The following ZNF445 variants were observed in gnomAD, a reference collection of about 807,000 sequenced individuals.
ZNF445 encodes zinc finger protein 445.
ZNF445 carries 19 observed loss-of-function variants against 93.9 expected under a neutral mutation model. The observed-to-expected ratio is 0.20, with a 90% confidence interval of 0.14 to 0.30. The LOEUF is 0.30. Ranked by LOEUF, ZNF445 falls within the 10% of genes least tolerant of loss-of-function variation. ZNF445 has a pLI of 1.00. For missense variants in ZNF445, 1,058 were observed against 1,259.4 expected (o/e 0.84, Z 2.42); for synonymous variants, 449 against 446.3 (o/e 1.01, Z -0.08).
rs1325173591 is a variant in ZNF445 at position 44,435,828 on chromosome 3, T to C, written c.*10747A>G. 6.6e-6 allele frequency: 1 copy of C among 152,166 alleles called. No individual in the cohort carries two copies. The highest frequency in any genetic ancestry group is 1.5e-5 in the Non-Finnish European group (1 of 68,042). The allele number at this position is 152,166 out of a possible 1,614,324, so 9.4% of individuals were successfully genotyped here. A position where few individuals can be genotyped will look rare whatever the true frequency, so the allele number is the denominator to read the frequency against. On this transcript the variant is annotated 3_prime_UTR_variant, in exon 8 of 8. Transcript: ENST00000396077. ...GAATCTGAGCCAAAAAGCCCATTGA[T>C]CACCTGACCTCCATACACTCTTACT...
chr3:44,473,386 G>A (rs531627977), intron 1 of ZNF445, among the ~76,000 whole-genome samples: 33 of 151,356 alleles, frequency 2.2e-4, no homozygotes, highest in African/African-American at 8.0e-4. Flanking sequence ...CCCAGGAGGC[G>A]GAGGTTGCAG....
In ZNF445 at chr3:44,448,456, T is replaced by C. The variant is rs1697910641; in HGVS notation, c.1215A>G (p.Arg405=). The C allele has an allele frequency of 6.2e-7, 1 of 1,613,868 alleles. No individual in the cohort carries two copies. The highest frequency in any genetic ancestry group is 1.3e-5 in the African/African-American group (1 of 74,970). Residue 405 remains arginine, a synonymous_variant, in exon 8 of 8, where the codon AGA becomes AGG. Coordinates refer to ENST00000396077, the MANE Select transcript of ZNF445 (RefSeq NM_181489.6). ...TAAGGGATTCCTTTCTTCCAGAAACTCTCAAATATGTAACATGTTTTAAGT... is the reference window on the plus strand; with the variant it reads ...TAAGGGATTCCTTTCTTCCAGAAACCCTCAAATATGTAACATGTTTTAAGT... ...SLDLKHVTYL[R]VSGRKESLKH... is the part of the protein sequence containing the mutation.
chr3:44,454,927 G>T, intron 3 of ZNF445, 194 bp downstream of exon 3: 1 of 632,878 alleles, frequency 1.6e-6, no homozygotes, highest in Non-Finnish European at 2.7e-6. Flanking sequence ...CCTCTGGGAA[G>T]GTAGGAAAGG....
At chr3:44,450,733 G>A (rs1256216281) in intron 5 of ZNF445, 135 bp downstream of exon 5, 2 of 1,280,424 alleles carry the variant, frequency 1.6e-6, no homozygotes, top group Non-Finnish European at 1.1e-6. Flanking sequence ...GCTTGAGGGG[G>A]ATAATCTGGT....
intron 1 of ZNF445, among the ~76,000 whole-genome samples, chr3:44,463,521 C>A (rs573221446): frequency 2.0e-5 from 3 of 152,212 alleles, no homozygotes; most frequent in Admixed American, 2.0e-4. Context: ...CAAAATCAAA[C>A]GCTCTGTTCT....
At chr3:44,465,791 G>A (rs1208544570) in intron 1 of ZNF445, among the ~76,000 whole-genome samples, 1 of 152,160 alleles carries the variant, frequency 6.6e-6, no homozygotes, top group Non-Finnish European at 1.5e-5. Context: ...GCACGCGCCT[G>A]TAATCCCAAC....
Position 44,455,326 on chromosome 3 carries a change from C to T in ZNF445, c.224G>A (p.Arg75Gln). 2 of 1,613,916 alleles carry T rather than the reference C, an allele frequency of 1.2e-6. No individual in the cohort carries two copies. The highest frequency in any genetic ancestry group is 1.7e-6 in the Non-Finnish European group (2 of 1,179,880). ...ESSGPLETLS[R>Q]LRELCRWWLR... ...CCACCAGCGACAGAGTTCCCGGAGC[C>T]GGCTCAGAGTTTCTAGGGGCCCTGA... Residue 75 changes from arginine to glutamine, a missense_variant, in exon 3 of 8, where the codon CGG becomes CAG. By Grantham distance (43) the Arg-to-Gln change is conservative. Transcript: ENST00000396077.
rs1055078047 is a variant in ZNF445 at position 44,441,678 on chromosome 3, G to A, written c.*4897C>T. Reference sequence around the variant, plus strand: ...ATATTTTTACTTTGAAACACTTTAAGCAAACAGTTAAAAAGTACCCACCAC... The same window carrying A: ...ATATTTTTACTTTGAAACACTTTAAACAAACAGTTAAAAAGTACCCACCAC... On this transcript the variant is annotated 3_prime_UTR_variant, in exon 8 of 8. Coordinates refer to ENST00000396077, the MANE Select transcript of ZNF445 (RefSeq NM_181489.6). 6.6e-6 allele frequency: 1 copy of A among 152,130 alleles called. No homozygotes were observed. Among genetic ancestry groups the A allele is most frequent in the African/African-American group, 2.4e-5 (1 of 41,426 alleles). 9.4% of individuals were successfully genotyped at this position (152,130 alleles called of 1,614,324 possible). A position where few individuals can be genotyped will look rare whatever the true frequency, so the allele number is the denominator to read the frequency against.
At position 44,447,209 on chromosome 3, in the gene ZNF445, T is replaced by C. The variant is rs1437599837; in HGVS notation, c.2462A>G (p.His821Arg). The change falls in exon 8 of 8, where the codon CAT becomes CGT. Residue 821 changes from histidine to arginine, a missense_variant. Transcript: ENST00000396077. This position sits in a 1 kb window ranked among gnomAD's most constrained non-coding sequence, Gnocchi z 4.7. ...IHSLQKQYDC[H>R]ESEKTPNVEP... ...CACATTTGGAGTCTTTTCACTTTCA[T>C]GGCAATCATACTGTTTTTGAAGAGA... The C allele has an allele frequency of 1.2e-6, 2 of 1,614,222 alleles. No homozygotes were observed. The highest frequency in any genetic ancestry group is 1.7e-5 in the Admixed American group (1 of 60,030).
intron 1 of ZNF445, among the ~76,000 whole-genome samples, chr3:44,472,710 G>A (rs1195954118): frequency 6.6e-6 from 1 of 152,018 alleles, no homozygotes; most frequent in African/African-American, 2.4e-5. Context: ...AGCTACCTCA[G>A]CAGACAGCTG....
rs187561807 is a variant in ZNF445 at position 44,446,419 on chromosome 3, G to C, written c.*156C>G. On this transcript the variant is annotated 3_prime_UTR_variant, in exon 8 of 8. Transcript: ENST00000396077. The surrounding 1 kb of genome is among the most constrained non-coding windows in gnomAD (Gnocchi z 4.2). Reference sequence around the variant, plus strand: ...GTCACATCCTAGCAGGCAGGCTGGGGACTCCCCGAGCTTTCAAATCCTTGG... The same window carrying C: ...GTCACATCCTAGCAGGCAGGCTGGGCACTCCCCGAGCTTTCAAATCCTTGG... 3.9e-5 allele frequency: 42 copies of C among 1,064,384 alleles called. No individual in the cohort carries two copies. The highest frequency in any genetic ancestry group is 5.3e-5 in the Non-Finnish European group (40 of 749,556). The allele number at this position is 1,064,384 out of a possible 1,614,324, so 65.9% of individuals were successfully genotyped here. A position where few individuals can be genotyped will look rare whatever the true frequency, so the allele number is the denominator to read the frequency against.
chr3:44,466,474 G>A (rs1698196964), intron 1 of ZNF445, among the ~76,000 whole-genome samples: 1 of 152,182 alleles, frequency 6.6e-6, no homozygotes, highest in Non-Finnish European at 1.5e-5. Context: ...ATTAGTATAT[G>A]TTATGAAATT....
At chr3:44,457,250 C>T (rs1032724807) in intron 2 of ZNF445, among the ~76,000 whole-genome samples, 58 of 152,092 alleles carry the variant, frequency 3.8e-4, no homozygotes, top group Admixed American at 3.8e-3. Flanking sequence ...GGAGTCCACA[C>T]CTGTGATACA....
intron 3 of ZNF445, among the ~76,000 whole-genome samples, chr3:44,452,562 G>C (rs1162047236): frequency 6.6e-6 from 1 of 152,150 alleles, no homozygotes; most frequent in African/African-American, 2.4e-5. Flanking sequence ...CTTTCAACCA[G>C]GTAGGCCCTT....
chr3:44,449,512 C>T lies in ZNF445; in HGVS notation c.931+1G>A. 6.2e-7 allele frequency: 1 copy of T among 1,613,600 alleles called. No homozygotes were observed. Among genetic ancestry groups the T allele is most frequent in the South Asian group, 1.1e-5 (1 of 91,082 alleles). On this transcript the variant is annotated splice_donor_variant, in intron 7 of 7. Coordinates refer to ENST00000396077, the MANE Select transcript of ZNF445 (RefSeq NM_181489.6). LOFTEE classifies it high-confidence loss of function. ...GACCTGGCAGGTTCTCTGGAACTCA[C>T]CTGTAGGAGCAGCAACTGGATTCCC...
intron 1 of ZNF445, among the ~76,000 whole-genome samples, chr3:44,470,200 G>A (rs1341072166): frequency 6.6e-6 from 1 of 152,176 alleles, no homozygotes; most frequent in Non-Finnish European, 1.5e-5. Context: ...TGGGATTACA[G>A]GCATGAGCCA....
rs1697624261 is a variant in ZNF445, at chr3:44,434,158, A to G, written c.*12417T>C. 1 of 151,984 alleles carries G rather than the reference A, an allele frequency of 6.6e-6. No individual in the cohort carries two copies. The highest frequency in any genetic ancestry group is 2.4e-5 in the African/African-American group (1 of 41,342). The allele number at this position is 151,984 out of a possible 1,614,324, so 9.4% of individuals were successfully genotyped here. ...CCTGGCTTGGTGGCTCACTTCTGTA[A>G]TCCCAGCACTTTGGGAGGCTGAGGT... On this transcript the variant is annotated 3_prime_UTR_variant, in exon 8 of 8. Coordinates refer to ENST00000396077, the MANE Select transcript of ZNF445 (RefSeq NM_181489.6).
At position 44,450,891 on chromosome 3, in the gene ZNF445, T is replaced by C; in HGVS notation, c.670A>G (p.Arg224Gly). The C allele has an allele frequency of 6.3e-7, 1 of 1,592,374 alleles. No homozygotes were observed. The highest frequency in any genetic ancestry group is 8.5e-7 in the Non-Finnish European group (1 of 1,170,270). ...ACCTGGAGCTGGGCTGTCAGGGACCTGGTTGGTGTTACCTGGTCTCCCGGG... is the reference window on the plus strand; with the variant it reads ...ACCTGGAGCTGGGCTGTCAGGGACCCGGTTGGTGTTACCTGGTCTCCCGGG... ...GCPGDQVTPT[R>G]SLTAQLQETM... The change falls in exon 5 of 8, where the codon AGG becomes GGG. Residue 224 changes from arginine (R) to glycine (G), a missense_variant. Coordinates refer to ENST00000396077, the MANE Select transcript of ZNF445 (RefSeq NM_181489.6).
At chr3:44,459,883 T>C (rs113141683) in intron 1 of ZNF445, among the ~76,000 whole-genome samples, 59 of 152,320 alleles carry the variant, frequency 3.9e-4, no homozygotes, top group African/African-American at 1.4e-3. Context: ...ACATTCTTCA[T>C]GCCCCAGGAA....
Sources: allele counts gnomAD v4.1 joint callset (sites outside exome capture counted in the v4.1 genomes callset), GRCh38; gene constraint gnomAD v4.1.1; non-coding constraint Gnocchi (gnomAD v3.1); transcripts MANE v1.5; gene names NCBI Gene and HGNC (gene_info 2026-07-23, HGNC 2026-07-21).